KPNA7: variants seen among roughly 807,000 people sequenced by gnomAD.
KPNA7 encodes karyopherin subunit alpha 7.
Under a neutral mutation model 53.7 loss-of-function variants are expected in KPNA7, and 54 were observed. The ratio of observed to expected loss-of-function variants is 1.01; its 90% CI spans 0.81 to 1.26. The LOEUF (loss-of-function observed/expected upper bound fraction) is 1.26. KPNA7 is among the 50% of genes most tolerant of loss of function. The pLI, the probability that KPNA7 is intolerant of heterozygous loss-of-function variation, is 0.00. For missense variants in KPNA7, 640 were observed against 644.5 expected, an observed-to-expected ratio of 0.99 and a Z score of 0.07; for synonymous variants, 276 against 259.3, an observed-to-expected ratio of 1.06 and a Z score of -0.62.
chr7:99,181,506 T>C (rs34723720), intron 9 of KPNA7, among the ~76,000 whole-genome samples: 2 of 152,214 alleles, frequency 1.3e-5, no homozygotes, highest in Admixed American at 1.3e-4. Context: ...ACAGGACACA[T>C]GGACAGAGGA....
chr7:99,165,699 A>G, the KPNA7 span, among the ~76,000 whole-genome samples: 1 of 152,306 alleles, frequency 6.6e-6, no homozygotes, highest in Admixed American at 6.5e-5. Context: ...CTGAGCCAAA[A>G]TTTAGCTTAA....
At chr7:99,184,154 CT>C (rs34193595) in intron 8 of KPNA7, among the ~76,000 whole-genome samples, 38,212 of 124,762 alleles carry the variant, frequency 0.31, 5,571 homozygotes, top group African/African-American at 0.49. Flanking sequence ...TGCCCACAAC[CT>C]TTTTTTTTTT....
At chr7:99,170,493 G>T (rs1798752880), downstream of KPNA7, among the ~76,000 whole-genome samples, 1 of 152,104 alleles carries the variant, frequency 6.6e-6, no homozygotes, top group Non-Finnish European at 1.5e-5. Context: ...TGGTGGCAGG[G>T]GAGATAATTC....
chr7:99,183,846 T>TTTTTG (rs1789421091), intron 8 of KPNA7, among the ~76,000 whole-genome samples: 1 of 152,066 alleles, frequency 6.6e-6, no homozygotes, highest in South Asian at 2.1e-4. Flanking sequence ...AAATAATGTT[T>TTTTTG]TTTTGTTTTT....
At chr7:99,191,744 G>T (rs1789966037) in intron 6 of KPNA7, among the ~76,000 whole-genome samples, 1 of 151,996 alleles carries the variant, frequency 6.6e-6, no homozygotes, top group Admixed American at 6.6e-5. Context: ...TCGCCTCCCA[G>T]GTTCAATCAA....
rs756807848 is a variant in KPNA7, at chr7:99,178,771, C to CAAAAA, written c.1318-710_1318-706dup. Among the ~76,000 whole-genome samples, 129 of 27,708 alleles carry CAAAAA rather than the reference C, an allele frequency of 4.7e-3. 10 individuals carry two copies. The highest frequency in any genetic ancestry group is 0.011 in the South Asian group (4 of 374). The allele number at this position is 27,708 out of a possible 152,430, so 18.2% of individuals were successfully genotyped here. ...GCATTTGGCCCAAATATCTTTGTCT[C>CAAAAA]AAAAAAAAAAAAAAAAAAAAAAAAA... On this transcript the variant is annotated intron_variant, in intron 9 of 10. Coordinates refer to ENST00000327442, the MANE Select transcript of KPNA7 (RefSeq NM_001145715.3).
chr7:99,191,551 G>A (rs1337873867), intron 6 of KPNA7, among the ~76,000 whole-genome samples: 3 of 152,152 alleles, frequency 2.0e-5, no homozygotes, highest in African/African-American at 2.4e-5. Context: ...GCAGGAAGAT[G>A]TCTAAGCCCT....
the KPNA7 span, among the ~76,000 whole-genome samples, chr7:99,152,965 T>C: frequency 6.6e-5 from 10 of 152,316 alleles, no homozygotes; most frequent in African/African-American, 2.4e-4. Context: ...TCTCAATTCA[T>C]TGACAAAAAT....
At chr7:99,213,121 C>T (rs1003329690) in intron 1 of KPNA7, among the ~76,000 whole-genome samples, 20 of 148,400 alleles carry the variant, frequency 1.3e-4, no homozygotes, top group African/African-American at 5.0e-4. Context: ...GGAGCAATGG[C>T]CAAAAGGGAT....
At chr7:99,180,701 CTGTG>C (rs1180288220) in intron 9 of KPNA7, among the ~76,000 whole-genome samples, 2 of 87,752 alleles carry the variant, frequency 2.3e-5, no homozygotes, top group African/African-American at 7.4e-5. Context: ...GTGTCTCTGT[CTGTG>C]TCTCTCTCTC....
chr7:99,177,572 CAAAAAAAAAAA>C (rs34717081), intron 10 of KPNA7, among the ~76,000 whole-genome samples: 5,148 of 41,852 alleles, frequency 0.12, 231 homozygotes, highest in East Asian at 0.39. Flanking sequence ...GAAACCATCT[CAAAAAAAAAAA>C]AAAAAAAAAA....
At chr7:99,174,009 A>G (rs1254131117) in intron 10 of KPNA7, among the ~76,000 whole-genome samples, 1 of 152,152 alleles carries the variant, frequency 6.6e-6, no homozygotes, top group Non-Finnish European at 1.5e-5. Flanking sequence ...CTTTGTACCT[A>G]TTGCATCAGG....
chr7:99,186,400 G>C (rs1047282282), intron 7 of KPNA7, among the ~76,000 whole-genome samples: 4 of 152,194 alleles, frequency 2.6e-5, no homozygotes, highest in African/African-American at 9.6e-5. Flanking sequence ...GTGAGAGGTA[G>C]AAGTGTACTT....
chr7:99,159,008 G>C, the KPNA7 span, among the ~76,000 whole-genome samples: 1 of 151,936 alleles, frequency 6.6e-6, no homozygotes, highest in Admixed American at 6.6e-5. Flanking sequence ...GGGACTACAG[G>C]TGCACACCAC....
the KPNA7 span, among the ~76,000 whole-genome samples, chr7:99,153,243 T>C: frequency 1.3e-5 from 2 of 152,178 alleles, no homozygotes; most frequent in African/African-American, 4.8e-5. Context: ...TAAAAAGATA[T>C]AAACCTACCG....
chr7:99,147,722 C>T, the KPNA7 span, among the ~76,000 whole-genome samples: 2 of 152,020 alleles, frequency 1.3e-5, no homozygotes, highest in Admixed American at 6.6e-5. Flanking sequence ...ACCCGGGAGG[C>T]GGAGGTTGCA....
chr7:99,184,517 A>T (rs1001684997), intron 8 of KPNA7, among the ~76,000 whole-genome samples: 19 of 152,104 alleles, frequency 1.2e-4, no homozygotes, highest in African/African-American at 4.3e-4. Flanking sequence ...TACCACTTTA[A>T]TCAATTTAAC....
the KPNA7 span, among the ~76,000 whole-genome samples, chr7:99,165,278 C>T: frequency 1.1e-4 from 16 of 149,802 alleles, no homozygotes; most frequent in African/African-American, 2.2e-4. Flanking sequence ...CCAGCTTGGG[C>T]GACAGAGCGA....
intron 6 of KPNA7, among the ~76,000 whole-genome samples, 171 bp downstream of exon 6, chr7:99,192,848 G>T (rs1345177465): frequency 1.3e-5 from 2 of 152,070 alleles, no homozygotes; most frequent in South Asian, 4.2e-4. Context: ...CATCCACTTG[G>T]CCTGGTACTG....
Sources: allele counts gnomAD v4.1 joint callset (sites outside exome capture counted in the v4.1 genomes callset), GRCh38; gene constraint gnomAD v4.1.1; transcripts MANE v1.5; gene names NCBI Gene and HGNC (gene_info 2026-07-23, HGNC 2026-07-21).